Variants in ARID1B observed in about 807,000 individuals in gnomAD.
ARID1B encodes the protein AT-rich interactive domain-containing protein 1B.
Under a neutral mutation model 212.3 loss-of-function variants are expected in ARID1B, and 30 were observed. The ratio of observed to expected loss-of-function variants is 0.14; its 90% CI spans 0.11 to 0.19. The LOEUF (loss-of-function observed/expected upper bound fraction) is 0.19, where lower values mean the gene tolerates loss of function less well. Among genes scored for constraint, ARID1B ranks in the 10% least tolerant of loss-of-function variants. The pLI is 1.00. For synonymous variants in ARID1B, 1,402 were observed against 1,301.7 expected, an observed-to-expected ratio of 1.08 and a Z score of -1.66; for missense variants, 2,891 against 3,204.0, an observed-to-expected ratio of 0.90 and a Z score of 2.36.
intron 2 of ARID1B, among the ~76,000 whole-genome samples, chr6:156,899,912 A>G (rs1404288208): frequency 6.6e-6 from 1 of 152,218 alleles, no homozygotes; most frequent in Non-Finnish European, 1.5e-5. Flanking sequence ...AACTGCAAAG[A>G]TGCTTGTGTG....
intron 15 of ARID1B, among the ~76,000 whole-genome samples, chr6:157,192,400 T>G (rs1367951490): frequency 6.6e-6 from 1 of 152,042 alleles, no homozygotes; most frequent in Admixed American, 6.6e-5. Flanking sequence ...AATAAATTTG[T>G]GGGGGTGGAA....
intron 10 of ARID1B, 161 bp downstream of exon 10, chr6:157,174,278 G>C: frequency 1.6e-6 from 1 of 609,840 alleles, no homozygotes; most frequent in East Asian, 2.8e-5. Context: ...TCTTTCCCCA[G>C]CCCCTTCATG....
chr6:156,975,859 C>G (rs1312743280), intron 4 of ARID1B, among the ~76,000 whole-genome samples: 1 of 152,020 alleles, frequency 6.6e-6, no homozygotes. Context: ...TTTTATTTCA[C>G]CTGGGTGCAG....
chr6:156,898,429 G>A (rs116343039), intron 2 of ARID1B, among the ~76,000 whole-genome samples: 136 of 152,216 alleles, frequency 8.9e-4, no homozygotes, highest in African/African-American at 3.2e-3. Context: ...AGCTTGAGCG[G>A]TGAGCAGTGC....
chr6:157,208,715 C>CTTTTTTTTTTTTTTTTT lies in ARID1B; in HGVS notation c.*826_*842dup, dbSNP rs878880822. ...AAACATACCCTCATTTTTTTCTTTT[C>CTTTTTTTTTTTTTTTTT]TTTTTTTTTTTTTTTTTTAGTACAA... On this transcript the variant is annotated 3_prime_UTR_variant, in exon 20 of 20. Coordinates refer to ENST00000636930, the MANE Select transcript of ARID1B (RefSeq NM_001374828.1). 7.1e-6 allele frequency: 1 copy of CTTTTTTTTTTTTTTTTT among 140,016 alleles called. No individual in the cohort carries two copies. The highest frequency in any genetic ancestry group is 3.6e-5 in the African/African-American group (1 of 28,058). 8.7% of individuals were successfully genotyped at this position (140,016 alleles called of 1,614,324 possible).
At chr6:156,915,589 A>G (rs1334984996) in intron 3 of ARID1B, among the ~76,000 whole-genome samples, 1 of 149,886 alleles carries the variant, frequency 6.7e-6, no homozygotes, top group African/African-American at 2.5e-5. Context: ...AAAAAAAAAA[A>G]AGCACATTTT....
At chr6:157,007,813 C>T (rs1583132169) in intron 4 of ARID1B, among the ~76,000 whole-genome samples, 2 of 150,514 alleles carry the variant, frequency 1.3e-5, no homozygotes, top group African/African-American at 4.9e-5. Flanking sequence ...GTAACTGGGA[C>T]TACAGGCATC....
chr6:156,978,622 A>G (rs1324869156), intron 4 of ARID1B, among the ~76,000 whole-genome samples: 1 of 152,078 alleles, frequency 6.6e-6, no homozygotes, highest in Admixed American at 6.5e-5. Flanking sequence ...ATTATTAGAG[A>G]CTGTTTTGTG....
chr6:156,824,996 C>G (rs1293733371), intron 1 of ARID1B, among the ~76,000 whole-genome samples: 1 of 151,952 alleles, frequency 6.6e-6, no homozygotes, highest in East Asian at 2.0e-4. Context: ...TTCTGAGTAG[C>G]TGGGATTACA....
chr6:157,058,359 G>C (rs1289885030), intron 4 of ARID1B, among the ~76,000 whole-genome samples: 1 of 151,776 alleles, frequency 6.6e-6, no homozygotes, highest in East Asian at 1.9e-4. Context: ...CCACCTCCCG[G>C]GTTCAAGCGA....
chr6:157,005,374 T>C (rs1412343686), intron 4 of ARID1B, among the ~76,000 whole-genome samples: 1 of 152,130 alleles, frequency 6.6e-6, no homozygotes, highest in Non-Finnish European at 1.5e-5. Context: ...CGGGCTGTTC[T>C]CGAACTCCTG....
intron 5 of ARID1B, among the ~76,000 whole-genome samples, chr6:157,088,474 C>G (rs1380495711): frequency 1.3e-5 from 2 of 152,140 alleles, no homozygotes; most frequent in Admixed American, 6.5e-5. Context: ...CTTCTATTTC[C>G]ATTTCCCTCC....
intron 4 of ARID1B, among the ~76,000 whole-genome samples, chr6:157,057,653 A>AT: frequency 6.6e-6 from 1 of 152,340 alleles, no homozygotes; most frequent in Admixed American, 6.5e-5. Flanking sequence ...GAAAAATAAT[A>AT]TATTTTAAAT....
chr6:157,067,574 T>A (rs1305833856), intron 4 of ARID1B, among the ~76,000 whole-genome samples: 3 of 152,190 alleles, frequency 2.0e-5, no homozygotes, highest in Non-Finnish European at 4.4e-5. Context: ...TATAGAGAGT[T>A]TCCTATATCA....
At chr6:156,986,263 G>A (rs1318664413) in intron 4 of ARID1B, among the ~76,000 whole-genome samples, 2 of 152,242 alleles carry the variant, frequency 1.3e-5, no homozygotes, top group Non-Finnish European at 2.9e-5. Context: ...ACACCTGTAT[G>A]GGAAGGTATT....
chr6:157,008,488 G>A (rs562470137), intron 4 of ARID1B, among the ~76,000 whole-genome samples: 2 of 152,236 alleles, frequency 1.3e-5, no homozygotes, highest in East Asian at 1.9e-4. Flanking sequence ...CAAAGGCTCC[G>A]GTTCAGAGTC....
chr6:156,838,555 G>C (rs764485984), intron 2 of ARID1B, among the ~76,000 whole-genome samples: 13 of 152,108 alleles, frequency 8.5e-5, no homozygotes, highest in Non-Finnish European at 1.0e-4. Context: ...AGTCACCGAA[G>C]CCTGTCGGTG....
At chr6:157,011,634 T>C (rs1228741889) in intron 4 of ARID1B, among the ~76,000 whole-genome samples, 1 of 152,198 alleles carries the variant, frequency 6.6e-6, no homozygotes, top group Non-Finnish European at 1.5e-5. Context: ...GACATAATGG[T>C]CCATAGTTTA....
chr6:156,846,980 A>G (rs981906797), intron 2 of ARID1B, among the ~76,000 whole-genome samples: 3 of 151,914 alleles, frequency 2.0e-5, no homozygotes, highest in Admixed American at 2.0e-4. Context: ...TCCTTCCAAA[A>G]TTTTTTTGAC....
Sources: allele counts gnomAD v4.1 joint callset (sites outside exome capture counted in the v4.1 genomes callset), GRCh38; gene constraint gnomAD v4.1.1; transcripts MANE v1.5; gene names NCBI Gene and HGNC (gene_info 2026-07-23, HGNC 2026-07-21).